The following NTF4 variants were observed in gnomAD, a reference collection of about 807,000 sequenced individuals.
The protein encoded by NTF4 is neurotrophin-4.
A neutral mutation model predicts 4.4 loss-of-function variants in NTF4; 2 were observed. The ratio of observed to expected loss-of-function variants is 0.46; its 90% CI spans 0.19 to 1.44. The LOEUF is 1.44. NTF4 is among the 40% of genes most tolerant of loss of function. NTF4 has a pLI of 0.26. For synonymous variants in NTF4, 127 were observed against 122.0 expected (o/e 1.04, Z -0.27); for missense variants, 260 against 293.0 (o/e 0.89, Z 0.82).
At chr19:49,058,722 A>C, downstream of NTF4, 1 of 194,906 alleles carries the variant, frequency 5.1e-6, no homozygotes, top group Non-Finnish European at 1.0e-5. Context: ...GCAGAGATGA[A>C]AGACCACGGG....
chr19:49,058,298 T>G (rs190666336), downstream of NTF4: 1 of 1,511,150 alleles, frequency 6.6e-7, no homozygotes, highest in East Asian at 2.5e-5. Flanking sequence ...AAAGCCCAGA[T>G]GCGAGAATCC....
downstream of NTF4, among the ~76,000 whole-genome samples, chr19:49,059,823 G>A (rs188757623): frequency 2.9e-4 from 44 of 152,056 alleles, no homozygotes; most frequent in East Asian, 7.4e-3. Flanking sequence ...CGAGGCATGC[G>A]GATCACTTGA....
downstream of NTF4, among the ~76,000 whole-genome samples, chr19:49,059,143 G>A (rs911711720): frequency 7.2e-5 from 11 of 152,258 alleles, no homozygotes; most frequent in East Asian, 9.7e-4. Flanking sequence ...CTTTGCTCCA[G>A]GGTCCAGAAC....
downstream of NTF4, chr19:49,058,348 T>G (rs1427523469): frequency 7.0e-7 from 1 of 1,420,546 alleles, no homozygotes; most frequent in East Asian, 2.5e-5. Flanking sequence ...GACCGTGGAC[T>G]GGAGAGAAGG....
chr19:49,063,270 G>C (rs2096569049), upstream of NTF4, among the ~76,000 whole-genome samples: 1 of 151,150 alleles, frequency 6.6e-6, no homozygotes, highest in Non-Finnish European at 1.5e-5. Context: ...GCCTCCCAAA[G>C]TGCTGGGATT....
chr19:49,064,768 G>A (rs1308766677), upstream of NTF4: 6 of 152,478 alleles, frequency 3.9e-5, no homozygotes, highest in Non-Finnish European at 8.8e-5. Context: ...CCAGATTTGG[G>A]TTGGGGGTTC....
downstream of NTF4, among the ~76,000 whole-genome samples, chr19:49,059,917 C>T (rs1041484882): frequency 6.1e-4 from 92 of 151,416 alleles, no homozygotes; most frequent in African/African-American, 2.1e-3. Flanking sequence ...GGCGTGGTGG[C>T]GCACACCTGT....
Position 49,061,920 on chromosome 19 carries a change from G to A in NTF4, c.78C>T (p.Pro26=). 1 of 1,526,544 alleles carries A rather than the reference G, an allele frequency of 6.6e-7. No individual in the cohort carries two copies. The allele number at this position is 1,526,544 out of a possible 1,614,324, so 94.6% of individuals were successfully genotyped here. ...GAAAAGGGGGCAATGTTGAGGGTGG[G>A]GGTTGGGACTCAATTGGCACACTGG... Residue 26 remains proline, a synonymous_variant, in exon 1 of 1, where the codon CCC becomes CCT. Coordinates refer to ENST00000593537, the Ensembl canonical transcript of NTF4. This position sits in a 1 kb window ranked among gnomAD's most constrained non-coding sequence, Gnocchi z 4.9.
upstream of NTF4, chr19:49,062,115 A>C (rs2040158931): frequency 1.5e-5 from 20 of 1,301,516 alleles, 1 homozygote; most frequent in South Asian, 3.0e-4. Context: ...GATTGTGGGG[A>C]AGCCCTTGTT....
At chr19:49,058,628 G>C, downstream of NTF4, 1 of 399,466 alleles carries the variant, frequency 2.5e-6, no homozygotes, top group Non-Finnish European at 4.5e-6. Flanking sequence ...CGTGGGCGGG[G>C]GGAAGGGTAC....
upstream of NTF4, among the ~76,000 whole-genome samples, chr19:49,063,349 C>T (rs2040176452): frequency 6.8e-6 from 1 of 146,632 alleles, no homozygotes; most frequent in Non-Finnish European, 1.5e-5. Context: ...ATGGAATCTC[C>T]CTCTGTCGCC....
downstream of NTF4, among the ~76,000 whole-genome samples, chr19:49,060,067 A>AAAAAAAAAC (rs2040114835): frequency 6.8e-6 from 1 of 146,810 alleles, no homozygotes; most frequent in Non-Finnish European, 1.5e-5. Context: ...AAAAAAAAAA[A>AAAAAAAAAC]AAGCTTTTGG....
At chr19:49,064,611 C>T, upstream of NTF4, 1 of 155,456 alleles carries the variant, frequency 6.4e-6, no homozygotes, top group Non-Finnish European at 1.4e-5. Context: ...CTCCTTCAGA[C>T]CCAGGAGTCC....
downstream of NTF4, among the ~76,000 whole-genome samples, chr19:49,059,251 G>A (rs532961826): frequency 6.6e-6 from 1 of 152,300 alleles, no homozygotes; most frequent in South Asian, 2.1e-4. Context: ...ACGTGCTGAA[G>A]GAGTCAGCGC....
At position 49,061,571 on chromosome 19, in the gene NTF4, C is replaced by T. The variant is rs772790339; in HGVS notation, c.427G>A (p.Ala143Thr). ...GGGCCACCTTCCTCAGCGTTATCAG[C>T]CTTGCAGCGGGTTTCAAAGAAGTAC... Residue 143 changes from alanine to threonine, a missense_variant, in exon 1 of 1, where the codon GCT becomes ACT. Physicochemically the swap from Ala to Thr is moderately conservative, Grantham distance 58. Transcript: ENST00000593537. The surrounding 1 kb of genome is among the most constrained non-coding windows in gnomAD (Gnocchi z 4.9). 3 of 1,614,180 alleles carry T rather than the reference C, an allele frequency of 1.9e-6. No individual in the cohort carries two copies. Among genetic ancestry groups the T allele is most frequent in the Non-Finnish European group, 1.7e-6 (2 of 1,180,048 alleles).
chr19:49,063,290 A>G (rs943981379), upstream of NTF4, among the ~76,000 whole-genome samples: 1 of 151,124 alleles, frequency 6.6e-6, no homozygotes, highest in African/African-American at 2.4e-5. Context: ...TACAAGCATA[A>G]GCCACCATGC....
At chr19:49,062,076 G>T (rs1600249242), upstream of NTF4, 23 of 1,418,122 alleles carry the variant, frequency 1.6e-5, no homozygotes, top group East Asian at 5.6e-4. Context: ...GAAAGAAGTT[G>T]GGAACCCCAG....
chr19:49,060,036 C>CAAAAAACA (rs2040113867), downstream of NTF4, among the ~76,000 whole-genome samples: 1 of 28,418 alleles, frequency 3.5e-5, no homozygotes, highest in Non-Finnish European at 5.5e-5. Flanking sequence ...GACTCCATCT[C>CAAAAAACA]AAAAAAAAAA....
chr19:49,061,146 TATC>T lies in NTF4; in HGVS notation c.*216_*218del, dbSNP rs960016803. Reference sequence around the variant, plus strand: ...CAGTAAATAGTGGCTATTATTATTATATCATCATCATTATTACCCTCAAGTTGC... The same window carrying T: ...CAGTAAATAGTGGCTATTATTATTATATCATCATTATTACCCTCAAGTTGC... On this transcript the variant is annotated 3_prime_UTR_variant, in exon 1 of 1. Transcript: ENST00000593537. This position sits in a 1 kb window ranked among gnomAD's most constrained non-coding sequence, Gnocchi z 4.9. The T allele has an allele frequency of 2.2e-5, 16 of 726,120 alleles. No homozygotes were observed. The highest frequency in any genetic ancestry group is 1.1e-4 in the Admixed American group (4 of 35,306). 45.0% of individuals were successfully genotyped at this position (726,120 alleles called of 1,614,324 possible). A position where few individuals can be genotyped will look rare whatever the true frequency, so the allele number is the denominator to read the frequency against.
Sources: allele counts gnomAD v4.1 joint callset (sites outside exome capture counted in the v4.1 genomes callset), GRCh38; gene constraint gnomAD v4.1.1; non-coding constraint Gnocchi (gnomAD v3.1); transcripts MANE v1.5; gene names NCBI Gene and HGNC (gene_info 2026-07-23, HGNC 2026-07-21).